Variants in STXBP4 observed in about 807,000 individuals in gnomAD.
STXBP4 encodes the protein syntaxin binding protein 4.
In STXBP4, 55 loss-of-function variants were observed where a neutral mutation model predicts 76.1. The observed-to-expected ratio is 0.72, with a 90% CI of 0.58 to 0.91. The LOEUF (loss-of-function observed/expected upper bound fraction) is 0.91. STXBP4 is among the 40% of genes least tolerant of loss of function. STXBP4 has a pLI of 0.00. For missense variants in STXBP4, 618 were observed against 636.9 expected (o/e 0.97, Z 0.32); for synonymous variants, 201 against 220.2 (o/e 0.91, Z 0.77).
intron 17 of STXBP4, among the ~76,000 whole-genome samples, chr17:55,144,965 A>G (rs1021488417): frequency 6.6e-6 from 1 of 152,240 alleles, no homozygotes; most frequent in East Asian, 1.9e-4. Context: ...GAGCTTGTGT[A>G]TTTAAAGAGC....
chr17:55,063,649 G>T (rs2079018704), intron 12 of STXBP4, among the ~76,000 whole-genome samples: 1 of 152,108 alleles, frequency 6.6e-6, no homozygotes, highest in African/African-American at 2.4e-5. Context: ...TCTACAAGGA[G>T]CTCTCAATCT....
rs1302933607 is a variant in STXBP4 at position 55,164,935 on chromosome 17, G to C, written c.*5024G>C. The C allele has an allele frequency of 6.6e-6, 1 of 152,076 alleles. No individual in the cohort carries two copies. The highest frequency in any genetic ancestry group is 2.4e-5 in the African/African-American group (1 of 41,404). The allele number at this position is 152,076 out of a possible 1,614,324, so 9.4% of individuals were successfully genotyped here. ...GCCAGACACTTCACTGAGTAGTAGGGATACAATGTGAGATATATGTGTTTC... is the reference window on the plus strand; with the variant it reads ...GCCAGACACTTCACTGAGTAGTAGGCATACAATGTGAGATATATGTGTTTC... On this transcript the variant is annotated 3_prime_UTR_variant, in exon 18 of 18. Transcript: ENST00000376352.
chr17:55,046,499 G>T (rs774085157), intron 11 of STXBP4, among the ~76,000 whole-genome samples: 5 of 151,838 alleles, frequency 3.3e-5, no homozygotes, highest in Admixed American at 6.6e-5. Context: ...ATTTATTTAA[G>T]ATATAATTAA....
At chr17:55,012,118 G>T (rs1160998330) in intron 8 of STXBP4, among the ~76,000 whole-genome samples, 1 of 152,206 alleles carries the variant, frequency 6.6e-6, no homozygotes, top group Non-Finnish European at 1.5e-5. Context: ...TAACAAGGAG[G>T]TTAAAGATAC....
chr17:55,003,306 A>G (rs1325129043), intron 7 of STXBP4, among the ~76,000 whole-genome samples: 2 of 152,206 alleles, frequency 1.3e-5, no homozygotes, highest in African/African-American at 2.4e-5. Context: ...TTTGTAATAG[A>G]AAAATAGGTT....
intron 11 of STXBP4, among the ~76,000 whole-genome samples, chr17:55,046,174 A>G (rs2078783725): frequency 6.6e-6 from 1 of 152,062 alleles, no homozygotes; most frequent in South Asian, 2.1e-4. Context: ...CCATTTACAG[A>G]TACAAAAAAA....
intron 6 of STXBP4, among the ~76,000 whole-genome samples, chr17:55,000,063 T>C (rs191187532): frequency 6.6e-6 from 1 of 152,336 alleles, no homozygotes; most frequent in East Asian, 1.9e-4. Flanking sequence ...GGTTAGAAAA[T>C]ACCAGCATGA....
At chr17:55,128,705 A>G (rs929496878) in intron 16 of STXBP4, among the ~76,000 whole-genome samples, 2 of 149,692 alleles carry the variant, frequency 1.3e-5, no homozygotes, top group Non-Finnish European at 3.0e-5. Flanking sequence ...AACGTCCACC[A>G]CCTGCTGTCA....
chr17:55,055,150 C>T (rs1274977677), intron 12 of STXBP4, among the ~76,000 whole-genome samples: 2 of 152,044 alleles, frequency 1.3e-5, no homozygotes, highest in African/African-American at 2.4e-5. Context: ...ATTCTTTTAT[C>T]AACATCACTA....
intron 12 of STXBP4, among the ~76,000 whole-genome samples, chr17:55,067,893 T>C (rs1219383718): frequency 1.3e-5 from 2 of 152,096 alleles, no homozygotes; most frequent in Non-Finnish European, 2.9e-5. Context: ...AGGAGTTGGC[T>C]AGATGAGTCA....
chr17:55,197,354 G>T, the STXBP4 span, among the ~76,000 whole-genome samples: 1 of 152,236 alleles, frequency 6.6e-6, no homozygotes. Flanking sequence ...GAATGGGAGG[G>T]AAGGCAGGAC....
At chr17:55,209,949 G>A in the STXBP4 span, among the ~76,000 whole-genome samples, 1 of 152,218 alleles carries the variant, frequency 6.6e-6, no homozygotes, top group African/African-American at 2.4e-5. Flanking sequence ...ATTGCAACTT[G>A]TGTTTACAAC....
chr17:55,210,523 G>A, the STXBP4 span, among the ~76,000 whole-genome samples: 1 of 152,132 alleles, frequency 6.6e-6, no homozygotes, highest in Non-Finnish European at 1.5e-5. Context: ...GTTCAAAAGA[G>A]AAATAACAAA....
chr17:55,034,197 T>C lies in STXBP4; in HGVS notation c.793T>C (p.Cys265Arg). 1 of 1,612,652 alleles carries C rather than the reference T, an allele frequency of 6.2e-7. No individual in the cohort carries two copies. Among genetic ancestry groups the C allele is most frequent in the Non-Finnish European group, 8.5e-7 (1 of 1,179,110 alleles). The change falls in exon 10 of 18, where the codon TGC (cysteine) becomes CGC (arginine). Residue 265 changes from cysteine (C) to arginine (R), a missense_variant. Physicochemically the swap from Cys to Arg is radical, Grantham distance 180. Coordinates refer to ENST00000376352, the MANE Select transcript of STXBP4 (RefSeq NM_178509.6). The stretch of plus-strand genomic sequence containing the variant: ...TGTCCAGGTTGCCAGAAACTTGTTT[T>C]GCTTGCAGTTGGATGAAGTAAATGT... ...DFVQVARNLF[C>R]LQLDEVNVGA... is the part of the protein sequence containing the mutation.
rs2080375137 is a variant in STXBP4, at chr17:55,165,823, C to T, written c.*5912C>T. ...CAGGGAACCTGTTTGCCCCTTCTGCCTTGTGAGGATGCAGCAAGAAGTTGC... is the reference window on the plus strand; with the variant it reads ...CAGGGAACCTGTTTGCCCCTTCTGCTTTGTGAGGATGCAGCAAGAAGTTGC... On this transcript the variant is annotated 3_prime_UTR_variant, in exon 18 of 18. Coordinates refer to ENST00000376352, the MANE Select transcript of STXBP4 (RefSeq NM_178509.6). 6.6e-6 allele frequency: 1 copy of T among 152,266 alleles called. No individual in the cohort carries two copies. Among genetic ancestry groups the T allele is most frequent in the Non-Finnish European group, 1.5e-5 (1 of 68,092 alleles). 9.4% of individuals were successfully genotyped at this position (152,266 alleles called of 1,614,324 possible). A position where few individuals can be genotyped will look rare whatever the true frequency, so the allele number is the denominator to read the frequency against.
At chr17:55,133,014 G>A (rs2079989635) in intron 16 of STXBP4, among the ~76,000 whole-genome samples, 1 of 151,980 alleles carries the variant, frequency 6.6e-6, no homozygotes, top group Admixed American at 6.6e-5. Flanking sequence ...CAGAGAAGTT[G>A]GAGATGGGGG....
chr17:55,001,313 T>C (rs1020149989), intron 7 of STXBP4, among the ~76,000 whole-genome samples: 2 of 152,200 alleles, frequency 1.3e-5, no homozygotes, highest in African/African-American at 2.4e-5. Context: ...AGAAATCATA[T>C]GGATATCAAT....
chr17:54,979,166 T>C (rs1205161974), intron 1 of STXBP4, among the ~76,000 whole-genome samples: 1 of 152,186 alleles, frequency 6.6e-6, no homozygotes, highest in East Asian at 1.9e-4. Context: ...ATTGCTGATA[T>C]CCCATTTCCC....
At chr17:54,994,953 T>A (rs2077776899) in intron 4 of STXBP4, among the ~76,000 whole-genome samples, 1 of 152,174 alleles carries the variant, frequency 6.6e-6, no homozygotes. Context: ...GGCTAGGTTT[T>A]ATTTTTTTCT....
Sources: allele counts gnomAD v4.1 joint callset (sites outside exome capture counted in the v4.1 genomes callset), GRCh38; gene constraint gnomAD v4.1.1; transcripts MANE v1.5; gene names NCBI Gene and HGNC (gene_info 2026-07-23, HGNC 2026-07-21).